The following SHANK2 variants were observed in gnomAD, a reference collection of about 807,000 sequenced individuals.
The protein encoded by SHANK2 is SH3 and multiple ankyrin repeat domains 2.
SHANK2 carries 43 observed loss-of-function variants against 133.7 expected under a neutral mutation model. The observed-to-expected ratio is 0.32, with a 90% CI of 0.25 to 0.41. SHANK2 has a LOEUF of 0.41. Among genes scored for constraint, SHANK2 ranks in the 10% least tolerant of loss-of-function variants. The probability of loss-of-function intolerance (pLI) is 1.00; values close to 1 mark genes in which losing one functional copy is unlikely to be tolerated. For synonymous variants in SHANK2, 1,017 were observed against 952.8 expected (o/e 1.07, Z -1.24); for missense variants, 1,994 against 2,235.8 (o/e 0.89, Z 2.18).
intron 11 of SHANK2, among the ~76,000 whole-genome samples, chr11:70,826,243 G>C (rs1555057186): frequency 3.3e-5 from 5 of 152,206 alleles, no homozygotes; most frequent in Non-Finnish European, 7.3e-5. Context: ...AAGGGCTGAA[G>C]GTTTGAAAGC....
intron 2 of SHANK2, among the ~76,000 whole-genome samples, chr11:71,155,036 C>T (rs1301915502): frequency 7.2e-6 from 1 of 138,906 alleles, no homozygotes; most frequent in Non-Finnish European, 1.6e-5. Flanking sequence ...TACCCCAGCC[C>T]ACGCTCCCAG....
At chr11:71,105,363 T>C (rs900310124) in intron 6 of SHANK2, among the ~76,000 whole-genome samples, 1 of 151,778 alleles carries the variant, frequency 6.6e-6, no homozygotes, top group Non-Finnish European at 1.5e-5. Flanking sequence ...GAGGCTGAGG[T>C]GGGTGGATCA....
chr11:70,528,074 C>T (rs1332559312), intron 17 of SHANK2, among the ~76,000 whole-genome samples: 2 of 152,226 alleles, frequency 1.3e-5, no homozygotes, highest in Non-Finnish European at 2.9e-5. Flanking sequence ...ATGATCCGGA[C>T]CCAGACGACA....
chr11:70,711,464 G>A (rs1382466500), intron 14 of SHANK2, among the ~76,000 whole-genome samples: 5 of 152,238 alleles, frequency 3.3e-5, no homozygotes, highest in Admixed American at 3.3e-4. Flanking sequence ...ATGAAAGACC[G>A]AAATAACTTT....
At chr11:70,714,298 A>T (rs1290337465) in intron 14 of SHANK2, among the ~76,000 whole-genome samples, 12 of 152,174 alleles carry the variant, frequency 7.9e-5, no homozygotes, top group African/African-American at 2.9e-4. Context: ...AGCTATGCCC[A>T]CCTGGCCCCT....
At chr11:70,632,055 G>A (rs1168158298) in intron 17 of SHANK2, 3 of 152,204 alleles carry the variant, frequency 2.0e-5, no homozygotes, top group East Asian at 1.9e-4. Context: ...TCTGGGAAAC[G>A]CTTCATTTAG....
intron 17 of SHANK2, among the ~76,000 whole-genome samples, chr11:70,626,059 C>T (rs902324333): frequency 7.9e-5 from 12 of 152,066 alleles, no homozygotes; most frequent in African/African-American, 2.9e-4. Flanking sequence ...AGGCAGCCTC[C>T]GTCCCAGCCT....
In SHANK2 at chr11:70,470,476, C is replaced by T. The variant is rs552765067; in HGVS notation, c.*2393G>A. ...ACTCTCCTTTGAGCTAGTGTTTTGC[C>T]TGGCACTGAGCACAGAGGTAATACC... is the stretch of plus-strand genomic sequence containing the variant. On this transcript the variant is annotated 3_prime_UTR_variant, in exon 26 of 26. Transcript: ENST00000601538. 44 of 152,666 alleles carry T rather than the reference C, an allele frequency of 2.9e-4. No homozygotes were observed. The highest frequency in any genetic ancestry group is 1.0e-3 in the African/African-American group (42 of 41,552). 9.5% of individuals were successfully genotyped at this position (152,666 alleles called of 1,614,324 possible).
At chr11:71,160,332 G>C (rs1384515266) in intron 2 of SHANK2, among the ~76,000 whole-genome samples, 1 of 152,146 alleles carries the variant, frequency 6.6e-6, no homozygotes, top group African/African-American at 2.4e-5. Flanking sequence ...CATATGCTAA[G>C]GCCCTAACCC....
At chr11:70,496,604 A>G (rs1255569601) in intron 21 of SHANK2, among the ~76,000 whole-genome samples, 1 of 152,176 alleles carries the variant, frequency 6.6e-6, no homozygotes, top group African/African-American at 2.4e-5. Context: ...TCCTAATGAG[A>G]AGCTGGCTGT....
chr11:71,173,227 C>T (rs1197000083), intron 2 of SHANK2, among the ~76,000 whole-genome samples: 2 of 152,178 alleles, frequency 1.3e-5, no homozygotes, highest in Admixed American at 6.5e-5. Flanking sequence ...TCTGTCTCAC[C>T]CCTCATGGAG....
At chr11:70,821,045 G>A (rs1295047355) in intron 11 of SHANK2, among the ~76,000 whole-genome samples, 1 of 152,224 alleles carries the variant, frequency 6.6e-6, no homozygotes, top group Non-Finnish European at 1.5e-5. Flanking sequence ...AGGGCACTGA[G>A]CTGCCTGCCG....
In SHANK2 at chr11:70,473,509, C is replaced by G; in HGVS notation, c.4980-70G>C. ...AGTCAGGGCAGCTGGCTGCAGATCA[C>G]CCAGGAAGGCGAGGGAGACGCCCAA... On this transcript the variant is annotated intron_variant, in intron 25 of 25. Transcript: ENST00000601538. This position sits in a 1 kb window ranked among gnomAD's most constrained non-coding sequence, Gnocchi z 5.9. The G allele has an allele frequency of 6.6e-7, 1 of 1,507,672 alleles. No individual in the cohort carries two copies. The highest frequency in any genetic ancestry group is 9.1e-7 in the Non-Finnish European group (1 of 1,100,860). 93.4% of individuals were successfully genotyped at this position (1,507,672 alleles called of 1,614,324 possible). A position where few individuals can be genotyped will look rare whatever the true frequency, so the allele number is the denominator to read the frequency against.
intron 15 of SHANK2, among the ~76,000 whole-genome samples, chr11:70,663,914 C>T (rs1184562103): frequency 6.6e-6 from 1 of 152,220 alleles, no homozygotes; most frequent in African/African-American, 2.4e-5. Flanking sequence ...AGTTTCCCTG[C>T]ACAGCAAGAG....
At chr11:70,924,038 G>A (rs1284877240) in intron 10 of SHANK2, among the ~76,000 whole-genome samples, 3 of 152,192 alleles carry the variant, frequency 2.0e-5, no homozygotes, top group Non-Finnish European at 2.9e-5. Flanking sequence ...GGAGCAGACA[G>A]GGGCAGGAGG....
Position 70,599,869 on chromosome 11 carries a change from AAG to A in SHANK2, c.2061+59957_2061+59958del, listed in dbSNP as rs1565165950. Among the ~76,000 whole-genome samples, 11 of 99,472 alleles carry A rather than the reference AAG, an allele frequency of 1.1e-4. 1 individual carries two copies. Among genetic ancestry groups the A allele is most frequent in the South Asian group, 9.5e-4 (3 of 3,146 alleles). 65.3% of individuals were successfully genotyped at this position (99,472 alleles called of 152,430 possible). On this transcript the variant is annotated intron_variant, in intron 17 of 25. Transcript: ENST00000601538. ...AGAACGAAAGAAAGAAATAAAAAGA[AAG>A]AAAGAAAGAAAGAAAGAAAAAGAAA...
intron 9 of SHANK2, among the ~76,000 whole-genome samples, chr11:71,064,628 C>T (rs1221710924): frequency 6.6e-6 from 1 of 151,320 alleles, no homozygotes; most frequent in Non-Finnish European, 1.5e-5. Flanking sequence ...CAGGGAGAGA[C>T]AGCAGGGCCC....
Position 70,807,222 on chromosome 11 carries a change from C to T in SHANK2, c.1494-51G>A. On this transcript the variant is annotated intron_variant, in intron 12 of 25. Coordinates refer to ENST00000601538, the MANE Select transcript of SHANK2 (RefSeq NM_012309.5). The surrounding 1 kb of genome is among the most constrained non-coding windows in gnomAD (Gnocchi z 4.8). Reference sequence around the variant, plus strand: ...GAGAGAGAGCAGAGTCACAAGGTCACAAGCCACATGCCACAAACCACAGCC... The same window carrying T: ...GAGAGAGAGCAGAGTCACAAGGTCATAAGCCACATGCCACAAACCACAGCC... 1.4e-6 allele frequency: 1 copy of T among 697,876 alleles called. No individual in the cohort carries two copies. The highest frequency in any genetic ancestry group is 2.6e-6 in the Non-Finnish European group (1 of 381,040). 43.2% of individuals were successfully genotyped at this position (697,876 alleles called of 1,614,324 possible). A position where few individuals can be genotyped will look rare whatever the true frequency, so the allele number is the denominator to read the frequency against.
At chr11:70,683,947 C>G (rs1247573013) in intron 15 of SHANK2, among the ~76,000 whole-genome samples, 1 of 152,218 alleles carries the variant, frequency 6.6e-6, no homozygotes, top group East Asian at 1.9e-4. Flanking sequence ...CCACGCCCAG[C>G]TAATTTTTGT....
Sources: allele counts gnomAD v4.1 joint callset (sites outside exome capture counted in the v4.1 genomes callset), GRCh38; gene constraint gnomAD v4.1.1; non-coding constraint Gnocchi (gnomAD v3.1); transcripts MANE v1.5; gene names NCBI Gene and HGNC (gene_info 2026-07-23, HGNC 2026-07-21).